Variants in TTC39B observed in about 807,000 individuals in gnomAD.
The protein encoded by TTC39B is tetratricopeptide repeat domain 39B, also known as tetratricopeptide repeat protein 39B.
TTC39B carries 92 observed loss-of-function variants against 96.6 expected under a neutral mutation model. That is an observed-to-expected ratio of 0.95 (90% CI 0.80 to 1.13). The LOEUF (loss-of-function observed/expected upper bound fraction) is 1.13, where lower values mean the gene tolerates loss of function less well. TTC39B is among the 50% of genes most tolerant of loss of function. The pLI, the probability that TTC39B is intolerant of heterozygous loss-of-function variation, is 0.00. For missense variants in TTC39B, 955 were observed against 809.3 expected, an observed-to-expected ratio of 1.18 and a Z score of -2.18; for synonymous variants, 367 against 299.4, an observed-to-expected ratio of 1.23 and a Z score of -2.33.
intron 1 of TTC39B, among the ~76,000 whole-genome samples, chr9:15,295,299 G>A (rs145854734): frequency 1.2e-4 from 18 of 152,114 alleles, no homozygotes; most frequent in African/African-American, 4.3e-4. Flanking sequence ...TAAACAAATG[G>A]GTATGGCTGT....
chr9:15,183,353 G>A (rs1353990907), intron 16 of TTC39B: 1 of 434,362 alleles, frequency 2.3e-6, no homozygotes, highest in Admixed American at 2.6e-5. Context: ...TTTTTAAATT[G>A]ATGATGATCT....
chr9:15,211,875 T>C (rs1382200409), intron 4 of TTC39B, among the ~76,000 whole-genome samples: 1 of 152,238 alleles, frequency 6.6e-6, no homozygotes, highest in Non-Finnish European at 1.5e-5. Context: ...TAAGTTAGGC[T>C]GGTCACAAGA....
intron 2 of TTC39B, among the ~76,000 whole-genome samples, chr9:15,226,898 C>A (rs980797692): frequency 6.6e-6 from 1 of 152,052 alleles, no homozygotes; most frequent in African/African-American, 2.4e-5. Context: ...TAACAGTACA[C>A]ATTTCACAGA....
rs1397709211 is a variant in TTC39B at position 15,189,570 on chromosome 9, T to C, written c.1233+4A>G. 6.2e-7 allele frequency: 1 copy of C among 1,613,972 alleles called. No individual in the cohort carries two copies. Among genetic ancestry groups the C allele is most frequent in the Non-Finnish European group, 8.5e-7 (1 of 1,179,994 alleles). On this transcript the variant is annotated splice_donor_region_variant and intron_variant, in intron 13 of 19. Transcript: ENST00000512701. ...CCCCAAATAATTCCCACCTAATAAA[T>C]TACCTCTTCAAGATTCCCTTTCAGC...
chr9:15,207,164 A>G (rs1819912627), intron 6 of TTC39B, among the ~76,000 whole-genome samples: 1 of 152,098 alleles, frequency 6.6e-6, no homozygotes, highest in Non-Finnish European at 1.5e-5. Context: ...TTCCTTTATA[A>G]ATTACCCAGT....
intron 2 of TTC39B, among the ~76,000 whole-genome samples, chr9:15,259,713 T>C (rs1005126719): frequency 1.3e-5 from 2 of 152,208 alleles, no homozygotes; most frequent in African/African-American, 2.4e-5. Flanking sequence ...GGGTATCCAA[T>C]GCATTTTCAC....
chr9:15,201,052 T>C (rs1044883245), intron 7 of TTC39B, among the ~76,000 whole-genome samples: 10 of 152,192 alleles, frequency 6.6e-5, no homozygotes, highest in Non-Finnish European at 1.3e-4. Context: ...GTATTTCTCG[T>C]GTACTTAAGC....
At chr9:15,285,298 A>G (rs1823926601) in intron 1 of TTC39B, among the ~76,000 whole-genome samples, 1 of 151,824 alleles carries the variant, frequency 6.6e-6, no homozygotes. Flanking sequence ...AGATCCTTTC[A>G]TGCCCAGTGT....
At chr9:15,257,738 G>A (rs1466205966) in intron 2 of TTC39B, among the ~76,000 whole-genome samples, 2 of 148,592 alleles carry the variant, frequency 1.3e-5, no homozygotes, top group African/African-American at 2.5e-5. Flanking sequence ...ATGAGCCACC[G>A]TGCCTGACGC....
exon 2 of TTC39B, chr9:15,267,945 C>T (rs1418557906): frequency 8.7e-6 from 14 of 1,610,278 alleles, no homozygotes; most frequent in South Asian, 5.5e-5. Context: ...TCTTCGAAAA[C>T]GTCCTGGGGG....
At chr9:15,211,756 T>C (rs935999893) in intron 4 of TTC39B, among the ~76,000 whole-genome samples, 3 of 152,198 alleles carry the variant, frequency 2.0e-5, no homozygotes, top group Non-Finnish European at 4.4e-5. Context: ...CCGCTGGAAA[T>C]GTATTTTTTG....
chr9:15,191,220 T>G (rs766274198), exon 10 of TTC39B: 2 of 1,610,104 alleles, frequency 1.2e-6, no homozygotes, highest in African/African-American at 2.7e-5. Flanking sequence ...TAAATTCTAG[T>G]AGTCTGATAA....
intron 1 of TTC39B, among the ~76,000 whole-genome samples, chr9:15,297,985 T>C (rs1824442886): frequency 6.6e-6 from 1 of 152,158 alleles, no homozygotes; most frequent in Admixed American, 6.5e-5. Context: ...AGACTGGCAT[T>C]TGAATCCATG....
At chr9:15,168,864 C>T (rs750162093) in exon 20 of TTC39B, 1 of 152,082 alleles carries the variant, frequency 6.6e-6, no homozygotes, top group African/African-American at 2.4e-5. Flanking sequence ...AGTATTAACA[C>T]CGGGGATTGT....
intron 1 of TTC39B, among the ~76,000 whole-genome samples, chr9:15,277,907 G>A (rs10120504): frequency 0.21 from 31,746 of 152,048 alleles, 5,372 homozygotes; most frequent in African/African-American, 0.47. Context: ...AATGCCAAGC[G>A]AAGCAGTTCA....
intron 8 of TTC39B, among the ~76,000 whole-genome samples, chr9:15,193,624 T>C (rs1818984590): frequency 6.6e-6 from 1 of 152,200 alleles, no homozygotes; most frequent in South Asian, 2.1e-4. Flanking sequence ...GGTCATTTAT[T>C]TTTTATTATG....
rs188285123 is a variant in TTC39B at position 15,268,127 on chromosome 9, T to C, written c.241-179A>G. On this transcript the variant is annotated intron_variant, in intron 1 of 19. Coordinates refer to ENST00000512701, the Ensembl canonical transcript of TTC39B. ...ATTCTGTTTACAGAAATCAAGCAGA[T>C]GCATTTCAGTGACGTTTAATTTTTT... 3.0e-3 allele frequency among the ~76,000 whole-genome samples: 464 copies of C among 152,218 alleles called. 2 individuals carry two copies. The highest frequency in any genetic ancestry group is 0.01 in the African/African-American group (435 of 41,512).
intron 4 of TTC39B, 36 bp downstream of exon 4, chr9:15,214,103 A>C (rs368126858): frequency 6.9e-7 from 1 of 1,459,754 alleles, no homozygotes; most frequent in South Asian, 1.2e-5. Context: ...GAAACATCTG[A>C]AAGATATTTT....
At chr9:15,274,891 C>T (rs1823482928) in intron 1 of TTC39B, among the ~76,000 whole-genome samples, 1 of 151,966 alleles carries the variant, frequency 6.6e-6, no homozygotes, top group African/African-American at 2.4e-5. Context: ...AATCATCTGC[C>T]AAAACATAAA....
Sources: gnomAD v4.1 joint callset for allele counts (sites outside exome capture counted in the v4.1 genomes callset) on GRCh38, gnomAD v4.1.1 for gene constraint, MANE v1.5 for transcripts, NCBI Gene and HGNC (gene_info 2026-07-23, HGNC 2026-07-21) for gene names.